The following DYM variants were observed in gnomAD, a reference collection of about 807,000 sequenced individuals.
DYM encodes dymeclin.
Under a neutral mutation model 93.1 loss-of-function variants are expected in DYM, and 78 were observed. The observed-to-expected ratio is 0.84, with a 90% confidence interval of 0.70 to 1.01. DYM has a LOEUF of 1.01. Among genes scored for constraint, DYM ranks in the 50% least tolerant of loss-of-function variants. The probability of loss-of-function intolerance (pLI) is 0.00; values close to 1 mark genes in which losing one functional copy is unlikely to be tolerated. For synonymous variants in DYM, 321 were observed against 319.7 expected, an observed-to-expected ratio of 1.00 and a Z score of -0.04; for missense variants, 789 against 845.0, an observed-to-expected ratio of 0.93 and a Z score of 0.82.
chr18:49,135,954 A>C (rs1268266641), intron 15 of DYM, among the ~76,000 whole-genome samples: 1 of 152,242 alleles, frequency 6.6e-6, no homozygotes, highest in Non-Finnish European at 1.5e-5. Flanking sequence ...TCATGACCAA[A>C]AGTTGTATTT....
At chr18:49,326,109 A>G (rs908846879) in intron 8 of DYM, among the ~76,000 whole-genome samples, 1 of 152,216 alleles carries the variant, frequency 6.6e-6, no homozygotes, top group Non-Finnish European at 1.5e-5. Flanking sequence ...CCTCATGTCT[A>G]ATGAATCAGA....
chr18:49,445,241 T>A (rs996309697), intron 1 of DYM, among the ~76,000 whole-genome samples: 12 of 152,196 alleles, frequency 7.9e-5, no homozygotes, highest in Admixed American at 5.9e-4. Context: ...GTCCTTTAGA[T>A]GAAATGTCTA....
At chr18:49,117,023 G>A (rs963498772) in intron 16 of DYM, among the ~76,000 whole-genome samples, 1 of 152,210 alleles carries the variant, frequency 6.6e-6, no homozygotes, top group South Asian at 2.1e-4. Context: ...AAATATCAGT[G>A]AAGCTACATG....
chr18:49,102,816 T>C (rs1012274026), intron 16 of DYM, among the ~76,000 whole-genome samples: 66 of 152,346 alleles, frequency 4.3e-4, no homozygotes, highest in African/African-American at 1.6e-3. Context: ...AGTCTATCAT[T>C]GATGGACATT....
At chr18:49,099,501 T>C (rs886688077) in intron 16 of DYM, among the ~76,000 whole-genome samples, 2 of 152,208 alleles carry the variant, frequency 1.3e-5, no homozygotes, top group African/African-American at 4.8e-5. Context: ...ATATATGTTC[T>C]AGTTCTTTAT....
chr18:49,090,124 A>G (rs1252727518), intron 17 of DYM, among the ~76,000 whole-genome samples: 1 of 152,252 alleles, frequency 6.6e-6, no homozygotes, highest in Non-Finnish European at 1.5e-5. Context: ...TTCCGGATCC[A>G]TTTATAAGCC....
chr18:49,350,060 T>C (rs1452302183), intron 6 of DYM, among the ~76,000 whole-genome samples: 1 of 152,240 alleles, frequency 6.6e-6, no homozygotes, highest in African/African-American at 2.4e-5. Flanking sequence ...GGTGGGACTA[T>C]AATTGGTATA....
intron 8 of DYM, among the ~76,000 whole-genome samples, chr18:49,289,740 T>TATATATATATATATACAC (rs2059931663): frequency 6.1e-5 from 1 of 16,318 alleles, no homozygotes. Context: ...TATATATATA[T>TATATATATATATATACAC]ATATATATAT....
chr18:49,352,879 AT>A (rs199877714), intron 6 of DYM, among the ~76,000 whole-genome samples: 6 of 151,296 alleles, frequency 4.0e-5, no homozygotes, highest in Admixed American at 1.3e-4. Flanking sequence ...GGAGGGTCTG[AT>A]TTTTTTTTAA....
intron 2 of DYM, among the ~76,000 whole-genome samples, chr18:49,423,270 T>G (rs1204782839): frequency 6.6e-6 from 1 of 152,114 alleles, no homozygotes; most frequent in East Asian, 1.9e-4. Context: ...ACATGGAAAC[T>G]GAACAACCTG....
chr18:49,047,992 G>A (rs1244209165), intron 17 of DYM: 1 of 152,290 alleles, frequency 6.6e-6, no homozygotes, highest in Admixed American at 6.5e-5. Flanking sequence ...CTAAGTGCTC[G>A]GTTGCAAGGT....
At chr18:49,351,157 C>G (rs1273295372) in intron 6 of DYM, among the ~76,000 whole-genome samples, 1 of 152,012 alleles carries the variant, frequency 6.6e-6, no homozygotes, top group Non-Finnish European at 1.5e-5. Flanking sequence ...TACGGTGGCT[C>G]TCGCCTGTAA....
At chr18:49,357,859 C>CA (rs2065698318) in intron 6 of DYM, among the ~76,000 whole-genome samples, 1 of 152,038 alleles carries the variant, frequency 6.6e-6, no homozygotes, top group Non-Finnish European at 1.5e-5. Context: ...AGTGTTAAGA[C>CA]AAAAAACAGG....
intron 2 of DYM, among the ~76,000 whole-genome samples, chr18:49,392,603 C>T (rs543093240): frequency 6.8e-6 from 1 of 146,074 alleles, no homozygotes; most frequent in South Asian, 2.2e-4. Context: ...TGAAAACATG[C>T]TCAACATCAC....
At chr18:49,050,172 C>T (rs1010387055) in intron 17 of DYM, among the ~76,000 whole-genome samples, 7 of 151,118 alleles carry the variant, frequency 4.6e-5, no homozygotes, top group Non-Finnish European at 8.8e-5. Flanking sequence ...CTGCAACCTC[C>T]GCCTCCCGGG....
chr18:49,268,297 T>C (rs1404763926), intron 11 of DYM, among the ~76,000 whole-genome samples: 1 of 151,856 alleles, frequency 6.6e-6, no homozygotes, highest in African/African-American at 2.4e-5. Flanking sequence ...GGGACCAAAA[T>C]AAATCGAGAT....
chr18:49,287,908 G>A (rs930700887), intron 8 of DYM, among the ~76,000 whole-genome samples: 6 of 150,974 alleles, frequency 4.0e-5, no homozygotes, highest in Admixed American at 3.3e-4. Context: ...CATTTAAAGT[G>A]AGTCTACTGT....
In DYM at chr18:49,037,862, T is replaced by C. The variant is rs2070762240; in HGVS notation, c.*6193A>G. Among the ~76,000 whole-genome samples the C allele has an allele frequency of 1.3e-5, 2 of 152,234 alleles. No homozygotes were observed. On this transcript the variant is annotated 3_prime_UTR_variant, in exon 18 of 18. Coordinates refer to ENST00000675505, the MANE Select transcript of DYM (RefSeq NM_001353214.3). ...TTTTCTGAGACAGGGTCTTGCTCTG[T>C]CACCCAAGCTGGAGTGCAGTAGTGC...
intron 17 of DYM, among the ~76,000 whole-genome samples, chr18:49,045,579 G>A (rs1599304972): frequency 6.6e-6 from 1 of 152,224 alleles, no homozygotes; most frequent in Non-Finnish European, 1.5e-5. Flanking sequence ...CGGGGGTGCG[G>A]CAGCCAAACC....
Sources: allele counts gnomAD v4.1 joint callset (sites outside exome capture counted in the v4.1 genomes callset), GRCh38; gene constraint gnomAD v4.1.1; transcripts MANE v1.5; gene names NCBI Gene and HGNC (gene_info 2026-07-23, HGNC 2026-07-21).